ZNF433: variants seen among roughly 807,000 people sequenced by gnomAD.
The protein encoded by ZNF433 is zinc finger protein 433.
ZNF433 carries 12 observed loss-of-function variants against 10.6 expected under a neutral mutation model. The ratio of observed to expected loss-of-function variants is 1.13; its 90% CI spans 0.72 to 1.83. ZNF433 has a LOEUF of 1.83. ZNF433 is among the 40% of genes most tolerant of loss of function. The pLI is 0.00. For synonymous variants in ZNF433, 272 were observed against 271.3 expected, an observed-to-expected ratio of 1.00 and a Z score of -0.02; for missense variants, 737 against 798.0, an observed-to-expected ratio of 0.92 and a Z score of 0.92.
chr19:12,025,109 T>C (rs1325118705), intron 1 of ZNF433: 2 of 152,238 alleles, frequency 1.3e-5, no homozygotes, highest in African/African-American at 4.8e-5. Flanking sequence ...TAAAGCTTCT[T>C]ATTCCAGCTT....
rs1353838773 is a variant in ZNF433, at chr19:12,018,304, C to T, written c.4-12G>A. The T allele has an allele frequency of 1.2e-6, 2 of 1,612,272 alleles. No individual in the cohort carries two copies. Among genetic ancestry groups the T allele is most frequent in the Non-Finnish European group, 1.7e-6 (2 of 1,179,374 alleles). ...AAGGCCACTGAATCCTGAAACATCT[C>T]ACATGTATAGAGGAGGATGGATAAG... On this transcript the variant is annotated splice_polypyrimidine_tract_variant and intron_variant, in intron 1 of 3. Coordinates refer to ENST00000550507, the MANE Select transcript of ZNF433 (RefSeq NM_001308348.2).
chr19:12,031,253 G>A (rs1202957143), intron 1 of ZNF433, among the ~76,000 whole-genome samples: 2 of 139,192 alleles, frequency 1.4e-5, no homozygotes. Context: ...CAGAGATTGC[G>A]CCACTGCACT....
rs768516219 is a variant in ZNF433, at chr19:12,015,056, C to G, written c.1802G>C (p.Arg601Pro). Residue 601 changes from arginine (R) to proline (P), a missense_variant, in exon 4 of 4, where the codon CGA (arginine) becomes CCA (proline). Transcript: ENST00000550507. ...GTGAGTCCTTCCATGCATTTGAAGT[C>G]GCGAGGCACATCCAAAAGACTTCCC... ...QCGKSFGCAS[R>P]LQMHGRTHTG... is the part of the protein sequence containing the mutation. The G allele has an allele frequency of 6.2e-7, 1 of 1,601,314 alleles. No individual in the cohort carries two copies. Among genetic ancestry groups the G allele is most frequent in the Non-Finnish European group, 8.5e-7 (1 of 1,176,388 alleles).
At chr19:12,034,971 C>T in intron 1 of ZNF433, 1 of 437,634 alleles carries the variant, frequency 2.3e-6, no homozygotes, top group South Asian at 1.6e-5. Flanking sequence ...TCCTATTCGG[C>T]TCTGAATAAA....
chr19:12,020,587 C>T (rs940085050), intron 1 of ZNF433, among the ~76,000 whole-genome samples: 2 of 152,138 alleles, frequency 1.3e-5, no homozygotes, highest in Non-Finnish European at 1.5e-5. Context: ...TGGAATGTAT[C>T]GAGGAAAGCA....
chr19:12,019,732 A>C (rs996890415), intron 1 of ZNF433, among the ~76,000 whole-genome samples: 1 of 152,208 alleles, frequency 6.6e-6, no homozygotes, highest in African/African-American at 2.4e-5. Context: ...ATACATTGAA[A>C]TATTAATCTT....
intron 1 of ZNF433, among the ~76,000 whole-genome samples, chr19:12,029,193 C>T (rs1974882327): frequency 6.6e-6 from 1 of 151,994 alleles, no homozygotes; most frequent in Non-Finnish European, 1.5e-5. Flanking sequence ...AGAAAAACTA[C>T]TTCTAAACAC....
intron 1 of ZNF433, among the ~76,000 whole-genome samples, chr19:12,019,616 C>T (rs925593445): frequency 2.6e-5 from 4 of 152,124 alleles, no homozygotes; most frequent in East Asian, 1.9e-4. Flanking sequence ...GAAAACTGAA[C>T]CTTGAAGACA....
Position 12,015,754 on chromosome 19 carries a change from A to G in ZNF433, c.1104T>C (p.Cys368=), listed in dbSNP as rs1430520180. The change falls in exon 4 of 4, where the codon TGT becomes TGC. Residue 368 remains cysteine, a synonymous_variant. Transcript: ENST00000550507. ...AACTGGGAGAATAAAAGGCTTTCCC[A>G]CATATCTTACATTTATGAGATATCT... ...TGEISHKCKI[C]GKAFYSPSSL... 5 of 1,613,668 alleles carry G rather than the reference A, an allele frequency of 3.1e-6. No homozygotes were observed. The Admixed American group carries it at 8.3e-5, about 27-fold the overall frequency.
chr19:12,029,972 C>G (rs964749069), intron 1 of ZNF433, among the ~76,000 whole-genome samples: 5 of 149,760 alleles, frequency 3.3e-5, no homozygotes, highest in African/African-American at 1.2e-4. Flanking sequence ...ATCCCAGCTA[C>G]TCGGAAGGCT....
rs535683701 is a variant in ZNF433 at position 12,022,342 on chromosome 19, C to T, written c.4-4050G>A. On this transcript the variant is annotated intron_variant, in intron 1 of 3. Coordinates refer to ENST00000550507, the MANE Select transcript of ZNF433 (RefSeq NM_001308348.2). Reference sequence around the variant, plus strand: ...TATAATCTACAGAAACAATGCTTATCACTGGCTTGCTGTCAGTAAATATGT... The same window carrying T: ...TATAATCTACAGAAACAATGCTTATTACTGGCTTGCTGTCAGTAAATATGT... Among the ~76,000 whole-genome samples the T allele has an allele frequency of 7.3e-5, 11 of 151,352 alleles. No individual in the cohort carries two copies. In the South Asian group the frequency reaches 2.3e-3, roughly 31 times the overall value.
chr19:12,025,196 T>C (rs1974677444), intron 1 of ZNF433: 1 of 152,210 alleles, frequency 6.6e-6, no homozygotes, highest in Non-Finnish European at 1.5e-5. Context: ...AGGTATTGAC[T>C]GCTTTTGATA....
intron 1 of ZNF433, among the ~76,000 whole-genome samples, chr19:12,020,681 C>T (rs1974443237): frequency 6.6e-6 from 1 of 152,166 alleles, no homozygotes; most frequent in Non-Finnish European, 1.5e-5. Flanking sequence ...CTTTGGGAGG[C>T]AGAGGTGGCC....
intron 1 of ZNF433, chr19:12,034,493 C>G (rs552623165): frequency 4.2e-6 from 1 of 238,008 alleles, no homozygotes; most frequent in Non-Finnish European, 8.5e-6. Flanking sequence ...ACTGACCCAC[C>G]TTCATGTTAA....
Position 12,016,583 on chromosome 19 carries a change from T to C in ZNF433, c.275A>G (p.Lys92Arg), listed in dbSNP as rs1435442228. ...TGATTTTACTCCAGTAGTTGTTTTCTTCAGCATGTCATCTGGAACCTGGGT... is the reference window on the plus strand; with the variant it reads ...TGATTTTACTCCAGTAGTTGTTTTCCTCAGCATGTCATCTGGAACCTGGGT... ...ILTQVPDDMLKKTTTGVKSCE... is the reference protein window; with the variant it reads ...ILTQVPDDMLRKTTTGVKSCE... Residue 92 changes from lysine (K) to arginine (R), a missense_variant, in exon 4 of 4, where the codon AAG becomes AGG. Lys to Arg is a conservative substitution (Grantham distance 26). Transcript: ENST00000550507. 6.2e-7 allele frequency: 1 copy of C among 1,614,180 alleles called. No individual in the cohort carries two copies. Among genetic ancestry groups the C allele is most frequent in the Non-Finnish European group, 8.5e-7 (1 of 1,180,040 alleles).
intron 1 of ZNF433, among the ~76,000 whole-genome samples, chr19:12,020,917 T>TAAA (rs551776670): frequency 3.2e-5 from 4 of 124,136 alleles, no homozygotes; most frequent in African/African-American, 1.1e-4. Context: ...AACAAAAATA[T>TAAA]AAAAAAAAAA....
chr19:12,025,940 G>C (rs1428332530), intron 1 of ZNF433: 9 of 152,598 alleles, frequency 5.9e-5, no homozygotes. Context: ...CCCTGAAACA[G>C]CAGTTGCAAA....
intron 1 of ZNF433, among the ~76,000 whole-genome samples, chr19:12,033,959 G>A (rs1458179553): frequency 1.3e-5 from 2 of 152,204 alleles, no homozygotes; most frequent in African/African-American, 2.4e-5. Context: ...GGGTCACAGG[G>A]TGGAGGGTTT....
Position 12,015,477 on chromosome 19 carries a change from AAG to A in ZNF433, c.1379_1380del (p.Ser460PhefsTer6). On this transcript the variant is annotated frameshift_variant, in exon 4 of 4. Transcript: ENST00000550507. LOFTEE classifies it low-confidence loss of function (END_TRUNC). ...TGCATCCTTTCATGTATTTGAAAGA[AAG>A]AGAAATTACTAAATGGTTTTCCACA... ...KECGKPFSNF[S>X]FFQIHERMHR... The A allele has an allele frequency of 6.2e-7, 1 of 1,613,526 alleles. No individual in the cohort carries two copies. Among genetic ancestry groups the A allele is most frequent in the Non-Finnish European group, 8.5e-7 (1 of 1,179,920 alleles).
Sources: allele counts gnomAD v4.1 joint callset (sites outside exome capture counted in the v4.1 genomes callset), GRCh38; gene constraint gnomAD v4.1.1; transcripts MANE v1.5; gene names NCBI Gene and HGNC (gene_info 2026-07-23, HGNC 2026-07-21).